Variants in LARS1 observed in about 807,000 individuals in gnomAD.
LARS1 encodes leucine--tRNA ligase, cytoplasmic.
A neutral mutation model predicts 162.8 loss-of-function variants in LARS1; 100 were observed. The ratio of observed to expected loss-of-function variants is 0.61; its 90% CI spans 0.52 to 0.73. LARS1 has a LOEUF of 0.73. Ranked by LOEUF, LARS1 falls within the 30% of genes least tolerant of loss-of-function variation. The pLI is 0.00. For missense variants in LARS1, 1,258 were observed against 1,408.9 expected, an observed-to-expected ratio of 0.89 and a Z score of 1.71; for synonymous variants, 457 against 462.8, an observed-to-expected ratio of 0.99 and a Z score of 0.16.
At chr5:146,132,099 T>A (rs1467718721) in intron 23 of LARS1, 1 of 152,138 alleles carries the variant, frequency 6.6e-6, no homozygotes, top group Non-Finnish European at 1.5e-5. Flanking sequence ...CACAAGGTCA[T>A]GAGTTCGAGA....
chr5:146,149,345 G>T (rs1219182765), intron 15 of LARS1, among the ~76,000 whole-genome samples: 1 of 152,130 alleles, frequency 6.6e-6, no homozygotes, highest in Non-Finnish European at 1.5e-5. Flanking sequence ...AGAAAGGATT[G>T]TAACTACCAG....
intron 14 of LARS1, among the ~76,000 whole-genome samples, chr5:146,151,383 T>C (rs960451463): frequency 5.9e-5 from 9 of 152,202 alleles, no homozygotes; most frequent in Non-Finnish European, 8.8e-5. Flanking sequence ...TCCATGGAAA[T>C]ATAAACCACA....
At chr5:146,141,903 G>A (rs985954195) in intron 20 of LARS1, among the ~76,000 whole-genome samples, 6 of 152,132 alleles carry the variant, frequency 3.9e-5, no homozygotes, top group African/African-American at 1.4e-4. Context: ...GCTCATGCCT[G>A]TAATCTCAGC....
chr5:146,165,354 A>G (rs1351793398), intron 5 of LARS1, among the ~76,000 whole-genome samples: 1 of 151,714 alleles, frequency 6.6e-6, no homozygotes, highest in Non-Finnish European at 1.5e-5. Context: ...CAACAACAAT[A>G]ATAAAAATAA....
chr5:146,161,928 C>A lies in LARS1; in HGVS notation c.595-1442G>T, dbSNP rs115240170. ...TTTTGCTCATCCGTAAGAAGCGAAT[C>A]CTCATCCATTCAAGTTTTCTCATGA... On this transcript the variant is annotated intron_variant, in intron 6 of 31. Coordinates refer to ENST00000394434, the MANE Select transcript of LARS1 (RefSeq NM_020117.11). Among the ~76,000 whole-genome samples the A allele has an allele frequency of 7.8e-3, 1,194 of 152,286 alleles. 14 individuals are homozygous for A. The highest frequency in any genetic ancestry group is 0.027 in the African/African-American group (1,135 of 41,564).
intron 14 of LARS1, among the ~76,000 whole-genome samples, chr5:146,150,601 TG>T (rs1204452562): frequency 7.7e-6 from 1 of 129,304 alleles, no homozygotes; most frequent in Non-Finnish European, 1.6e-5. Flanking sequence ...CACTCCAGCC[TG>T]GGCGACACAG....
At chr5:146,180,772 A>G (rs1232473497) in intron 1 of LARS1, among the ~76,000 whole-genome samples, 3 of 152,176 alleles carry the variant, frequency 2.0e-5, no homozygotes, top group African/African-American at 4.8e-5. Context: ...CATTTGATCA[A>G]TCTGAGACTC....
rs985208079 is a variant in LARS1, at chr5:146,130,583, C to T, written c.2488-425G>A. 17 of 177,190 alleles carry T rather than the reference C, an allele frequency of 9.6e-5. No homozygotes were observed. The Admixed American group carries it at 1.0e-3, about 10-fold the overall frequency. 11.0% of individuals were successfully genotyped at this position (177,190 alleles called of 1,614,324 possible). A position where few individuals can be genotyped will look rare whatever the true frequency, so the allele number is the denominator to read the frequency against. ...AAACTCAATGTGATATTTTACACAG[C>T]TCATTGCGTAAAGCTACATTTTTAC... is the stretch of plus-strand genomic sequence containing the variant. On this transcript the variant is annotated intron_variant, in intron 24 of 31. Coordinates refer to ENST00000394434, the MANE Select transcript of LARS1 (RefSeq NM_020117.11).
chr5:146,149,673 T>C lies in LARS1; in HGVS notation c.1452A>G (p.Gly484=), dbSNP rs763651627. The part of the protein sequence containing the change: ...EGIMLVDGFK[G]QKVQDVKKTI... Reference sequence around the variant, plus strand: ...TCTTCTTTACATCTTGAACCTTCTGTCCTTTAAATCCATCCACCAACATGA... The same window carrying C: ...TCTTCTTTACATCTTGAACCTTCTGCCCTTTAAATCCATCCACCAACATGA... Residue 484 remains glycine (G), a synonymous_variant, in exon 15 of 32, where the codon GGA becomes GGG. Coordinates refer to ENST00000394434, the MANE Select transcript of LARS1 (RefSeq NM_020117.11). 1.2e-6 allele frequency: 2 copies of C among 1,612,604 alleles called. No individual in the cohort carries two copies. Among genetic ancestry groups the C allele is most frequent in the East Asian group, 2.2e-5 (1 of 44,834 alleles).
intron 5 of LARS1, among the ~76,000 whole-genome samples, chr5:146,167,424 GAC>G (rs1258293835): frequency 6.7e-6 from 1 of 149,754 alleles, no homozygotes; most frequent in Non-Finnish European, 1.5e-5. Context: ...TTTTTTTTGA[GAC>G]AGAGTCTCGC....
chr5:146,171,735 A>G (rs1754289087), intron 4 of LARS1, among the ~76,000 whole-genome samples, 175 bp downstream of exon 4: 1 of 152,164 alleles, frequency 6.6e-6, no homozygotes, highest in African/African-American at 2.4e-5. Context: ...GATGCCCTTT[A>G]TTTAAGCACT....
rs185126897 is a variant in LARS1 at position 146,178,997 on chromosome 5, C to T, written c.7-1332G>A. 7.7e-3 allele frequency among the ~76,000 whole-genome samples: 1,165 copies of T among 152,076 alleles called. 20 individuals carry two copies. Among genetic ancestry groups the T allele is most frequent in the African/African-American group, 0.027 (1,111 of 41,518 alleles). ...CTGTAATCCCAGCACTTTGAGAGGC[C>T]GAGGCAGGTGGATCACCTGAGGCTA... is the stretch of plus-strand genomic sequence containing the variant. On this transcript the variant is annotated intron_variant, in intron 1 of 31. Transcript: ENST00000394434.
chr5:146,141,436 A>T (rs1290628350), intron 20 of LARS1, among the ~76,000 whole-genome samples: 1 of 152,230 alleles, frequency 6.6e-6, no homozygotes, highest in African/African-American at 2.4e-5. Flanking sequence ...GTGCAAAGGA[A>T]TGAAGATTCA....
chr5:146,164,767 A>T (rs1753929629), intron 5 of LARS1, among the ~76,000 whole-genome samples: 1 of 152,214 alleles, frequency 6.6e-6, no homozygotes, highest in Non-Finnish European at 1.5e-5. Context: ...AGATCTCAAT[A>T]CCAAACCTTC....
chr5:146,148,197 C>T (rs78726212), intron 15 of LARS1, among the ~76,000 whole-genome samples: 3,341 of 152,236 alleles, frequency 0.022, 58 homozygotes, highest in Middle Eastern at 0.051. Flanking sequence ...AATATAAGGA[C>T]ATAGACATGG....
intron 6 of LARS1, among the ~76,000 whole-genome samples, chr5:146,163,210 C>T (rs1323379625): frequency 6.6e-6 from 1 of 152,200 alleles, no homozygotes; most frequent in East Asian, 1.9e-4. Context: ...TCCTCACCTC[C>T]CCCAGCCTTT....
chr5:146,153,664 G>T, intron 12 of LARS1, 70 bp downstream of exon 12: 1 of 1,163,686 alleles, frequency 8.6e-7, no homozygotes. Context: ...TAGTCCCACA[G>T]CGTAGTTCAG....
chr5:146,172,791 T>A lies in LARS1; in HGVS notation c.126-17A>T. 7.0e-7 allele frequency: 1 copy of A among 1,425,926 alleles called. No individual in the cohort carries two copies. Among genetic ancestry groups the A allele is most frequent in the Non-Finnish European group, 9.5e-7 (1 of 1,047,730 alleles). 88.3% of individuals were successfully genotyped at this position (1,425,926 alleles called of 1,614,324 possible). A position where few individuals can be genotyped will look rare whatever the true frequency, so the allele number is the denominator to read the frequency against. On this transcript the variant is annotated splice_polypyrimidine_tract_variant and intron_variant, in intron 2 of 31. Coordinates refer to ENST00000394434, the MANE Select transcript of LARS1 (RefSeq NM_020117.11). ...TTGCCCTTGCTGCAAAACAACAGTATAAAAAAGAAAGTACAGAAGAATAAA... is the reference window on the plus strand; with the variant it reads ...TTGCCCTTGCTGCAAAACAACAGTAAAAAAAAGAAAGTACAGAAGAATAAA...
intron 23 of LARS1, 74 bp downstream of exon 23, chr5:146,132,822 GAA>G: frequency 9.5e-7 from 1 of 1,052,924 alleles, no homozygotes; most frequent in Non-Finnish European, 1.3e-6. Flanking sequence ...AAAAAGAAAA[GAA>G]AAGAAAAAGA....
Sources: allele counts gnomAD v4.1 joint callset (sites outside exome capture counted in the v4.1 genomes callset), GRCh38; gene constraint gnomAD v4.1.1; transcripts MANE v1.5; gene names NCBI Gene and HGNC (gene_info 2026-07-23, HGNC 2026-07-21).